IMPG1: variants seen among roughly 807,000 people sequenced by gnomAD.
IMPG1 encodes the protein interphotoreceptor matrix proteoglycan 1, also known as interphotoreceptor matrix proteoglycan of 150 kDa.
Under a neutral mutation model 92.0 loss-of-function variants are expected in IMPG1, and 85 were observed. The observed-to-expected ratio is 0.92, with a 90% confidence interval of 0.78 to 1.11. The LOEUF is 1.11. Ranked by LOEUF, IMPG1 falls within the 50% of genes least tolerant of loss-of-function variation. IMPG1 has a pLI of 0.00. For missense variants in IMPG1, 1,022 were observed against 956.0 expected (o/e 1.07, Z -0.91); for synonymous variants, 367 against 334.1 (o/e 1.10, Z -1.08).
intron 6 of IMPG1, among the ~76,000 whole-genome samples, chr6:76,019,876 A>G (rs1321353648): frequency 6.6e-6 from 1 of 152,164 alleles, no homozygotes; most frequent in Non-Finnish European, 1.5e-5. Flanking sequence ...AAGAACTTAT[A>G]TTAGCTTTTG....
intron 12 of IMPG1, among the ~76,000 whole-genome samples, chr6:75,975,984 G>A (rs1233648717): frequency 2.0e-5 from 3 of 151,994 alleles, no homozygotes; most frequent in Non-Finnish European, 4.4e-5. Flanking sequence ...AAAGTAAAAA[G>A]CATGCCTAGC....
chr6:75,940,100 G>C (rs1781812630), intron 14 of IMPG1, among the ~76,000 whole-genome samples: 1 of 152,094 alleles, frequency 6.6e-6, no homozygotes, highest in African/African-American at 2.4e-5. Context: ...GCTATTTCTT[G>C]GCTCCCTTTA....
chr6:76,055,814 T>A (rs1318718288), intron 1 of IMPG1, among the ~76,000 whole-genome samples: 3 of 152,034 alleles, frequency 2.0e-5, no homozygotes, highest in African/African-American at 7.2e-5. Flanking sequence ...AAATTTGAAG[T>A]TTGATATGAA....
chr6:76,052,327 A>G (rs1562385138), intron 1 of IMPG1, among the ~76,000 whole-genome samples: 1 of 152,182 alleles, frequency 6.6e-6, no homozygotes, highest in Non-Finnish European at 1.5e-5. Context: ...GAAGAGGAGG[A>G]GTGTTCTTTC....
chr6:76,066,063 A>G (rs1000099010), intron 1 of IMPG1, among the ~76,000 whole-genome samples: 2 of 152,136 alleles, frequency 1.3e-5, no homozygotes, highest in Admixed American at 6.6e-5. Context: ...CCCTATGAGA[A>G]ATGCTCAAGG....
intron 12 of IMPG1, among the ~76,000 whole-genome samples, chr6:75,983,062 A>G (rs185842691): frequency 9.9e-5 from 15 of 152,186 alleles, no homozygotes. Context: ...GCTAAAATGG[A>G]TAACTACATC....
intron 12 of IMPG1, among the ~76,000 whole-genome samples, chr6:76,002,123 C>G (rs1582096417): frequency 6.6e-6 from 1 of 152,272 alleles, no homozygotes; most frequent in Non-Finnish European, 1.5e-5. Flanking sequence ...ACAGTACATT[C>G]TTATCAGCCT....
chr6:75,985,323 G>A (rs1186082371), intron 12 of IMPG1, among the ~76,000 whole-genome samples: 1 of 152,172 alleles, frequency 6.6e-6, no homozygotes, highest in Admixed American at 6.5e-5. Flanking sequence ...GGATGCAGTA[G>A]GCAGAGAACA....
intron 1 of IMPG1, among the ~76,000 whole-genome samples, chr6:76,051,396 A>G (rs1784040327): frequency 6.6e-6 from 1 of 152,218 alleles, no homozygotes; most frequent in South Asian, 2.1e-4. Context: ...GATTTTAAGC[A>G]TACTGTTTTC....
At chr6:76,026,384 C>T (rs1323028468) in intron 4 of IMPG1, among the ~76,000 whole-genome samples, 3 of 152,202 alleles carry the variant, frequency 2.0e-5, no homozygotes, top group Non-Finnish European at 4.4e-5. Flanking sequence ...GCCTTTTCAT[C>T]CTTGGACTTC....
chr6:75,944,095 T>G (rs1290272100), intron 14 of IMPG1, among the ~76,000 whole-genome samples: 1 of 152,210 alleles, frequency 6.6e-6, no homozygotes, highest in Non-Finnish European at 1.5e-5. Context: ...TGATCATCAG[T>G]CCAGTGCCCA....
intron 4 of IMPG1, 92 bp from the exon 5 acceptor site, chr6:76,025,350 C>T: frequency 3.3e-6 from 2 of 597,450 alleles, no homozygotes; most frequent in Non-Finnish European, 5.9e-6. Flanking sequence ...ACTGAGTAAA[C>T]CTAAAAGTTA....
In IMPG1 at chr6:75,930,984, C is replaced by G; in HGVS notation, c.2212G>C (p.Glu738Gln). 1 of 1,614,196 alleles carries G rather than the reference C, an allele frequency of 6.2e-7. No individual in the cohort carries two copies. Among genetic ancestry groups the G allele is most frequent in the Non-Finnish European group, 8.5e-7 (1 of 1,180,034 alleles). The change falls in exon 15 of 17, where the codon GAG becomes CAG. Residue 738 changes from glutamate (E) to glutamine (Q), a missense_variant. Physicochemically the swap from Glu to Gln is conservative, Grantham distance 29 (BLOSUM62 2). Around this residue, in one of 3 missense-constraint regions of IMPG1, gnomAD observed 332 missense variants for 346.2 expected, o/e 0.96. Transcript: ENST00000369950. ...GGAGCTCCCTTTCCCTGGAGGACCT[C>G]GCATTCCTTTGTGCCAGGGCCACAG... is the stretch of plus-strand genomic sequence containing the variant. ...GLCGPGTKECEVLQGKGAPCR... is the reference protein window; with the variant it reads ...GLCGPGTKECQVLQGKGAPCR...
intron 14 of IMPG1, among the ~76,000 whole-genome samples, chr6:75,932,089 C>T (rs951912938): frequency 6.6e-6 from 1 of 152,238 alleles, no homozygotes; most frequent in African/African-American, 2.4e-5. Context: ...AACCAAATAA[C>T]TATTATGTGC....
chr6:75,974,666 C>T (rs951981383), intron 12 of IMPG1, among the ~76,000 whole-genome samples: 2 of 151,722 alleles, frequency 1.3e-5, no homozygotes, highest in Non-Finnish European at 2.9e-5. Flanking sequence ...GGGGTGCCTG[C>T]AACCATGCCT....
intron 1 of IMPG1, among the ~76,000 whole-genome samples, chr6:76,050,268 C>A (rs1288874683): frequency 6.6e-6 from 1 of 151,952 alleles, no homozygotes; most frequent in African/African-American, 2.4e-5. Flanking sequence ...GGTGAAAACC[C>A]ATCTCTACTA....
intron 7 of IMPG1, 136 bp from the exon 8 acceptor site, chr6:76,011,360 A>G: frequency 1.9e-6 from 1 of 529,738 alleles, no homozygotes; most frequent in Non-Finnish European, 3.4e-6. Flanking sequence ...TCTTTTAAAA[A>G]AACTCTCCAA....
chr6:76,054,337 T>C (rs1395654172), intron 1 of IMPG1, among the ~76,000 whole-genome samples: 2 of 152,044 alleles, frequency 1.3e-5, no homozygotes, highest in Admixed American at 6.6e-5. Flanking sequence ...ATTTAGCAAA[T>C]AAAAATATAG....
At chr6:76,066,427 A>G (rs1229736132) in intron 1 of IMPG1, among the ~76,000 whole-genome samples, 2 of 152,136 alleles carry the variant, frequency 1.3e-5, no homozygotes, top group Non-Finnish European at 2.9e-5. Flanking sequence ...TACACAAAAT[A>G]AAACAGACAC....
Sources: allele counts gnomAD v4.1 joint callset (sites outside exome capture counted in the v4.1 genomes callset), GRCh38; gene constraint gnomAD v4.1.1; regional missense constraint gnomAD v4.1.1; transcripts MANE v1.5; gene names NCBI Gene and HGNC (gene_info 2026-07-23, HGNC 2026-07-21).